The following SDHB variants were observed in gnomAD, a reference collection of about 807,000 sequenced individuals.
SDHB encodes succinate dehydrogenase [ubiquinone] iron-sulfur subunit, mitochondrial.
A neutral mutation model predicts 39.7 loss-of-function variants in SDHB; 21 were observed. The observed-to-expected ratio is 0.53, with a 90% CI of 0.37 to 0.76. The LOEUF (loss-of-function observed/expected upper bound fraction) is 0.76. SDHB is among the 30% of genes least tolerant of loss of function. SDHB has a pLI of 0.00. For missense variants in SDHB, 343 were observed against 350.9 expected, an observed-to-expected ratio of 0.98 and a Z score of 0.18; for synonymous variants, 118 against 117.0, an observed-to-expected ratio of 1.01 and a Z score of -0.06.
In SDHB at chr1:17,053,997, G is replaced by T. The variant is rs199848267; in HGVS notation, c.23C>A (p.Ser8Tyr). The T allele has an allele frequency of 6.2e-7, 1 of 1,612,756 alleles. No homozygotes were observed. The highest frequency in any genetic ancestry group is 1.7e-5 in the Admixed American group (1 of 59,954). ...TGTGGCCGGCAACCGGCGCCTCAAG[G>T]AGAGGGCGACCACCGCCGCCATCTT... MAAVVAL[S>Y]LRRRLPATTL... is the part of the protein sequence containing the mutation. Residue 8 changes from serine (S) to tyrosine (Y), a missense_variant, in exon 1 of 8, where the codon TCC (serine) becomes TAC (tyrosine). Coordinates refer to ENST00000375499, the MANE Select transcript of SDHB (RefSeq NM_003000.3).
chr1:17,028,260 G>A (rs2078002626), intron 4 of SDHB, among the ~76,000 whole-genome samples: 2 of 152,142 alleles, frequency 1.3e-5, no homozygotes, highest in Admixed American at 1.3e-4. Flanking sequence ...TCATTTCTGG[G>A]AATGTTCCAA....
chr1:17,051,765 C>CT (rs2101549188), intron 1 of SDHB, among the ~76,000 whole-genome samples: 1 of 152,148 alleles, frequency 6.6e-6, no homozygotes, highest in African/African-American at 2.4e-5. Context: ...GCAACCTTAT[C>CT]AGTCTTTGTA....
intron 1 of SDHB, among the ~76,000 whole-genome samples, chr1:17,052,885 G>A (rs976466734): frequency 6.6e-6 from 1 of 152,180 alleles, no homozygotes; most frequent in African/African-American, 2.4e-5. Context: ...CAAGATCTAT[G>A]CTAAGGAGTT....
At chr1:17,026,985 T>A (rs1011086126) in intron 5 of SDHB, among the ~76,000 whole-genome samples, 3 of 152,234 alleles carry the variant, frequency 2.0e-5, no homozygotes, top group African/African-American at 7.2e-5. Context: ...TATTTATGGA[T>A]AAAATAACAT....
At chr1:17,028,448 A>G (rs2078003451) in intron 4 of SDHB, 152 bp downstream of exon 4, 1 of 790,302 alleles carries the variant, frequency 1.3e-6, no homozygotes, top group Non-Finnish European at 2.1e-6. Flanking sequence ...TCCTGCCATA[A>G]TATAGGAAAC....
rs751000085 is a variant in SDHB, at chr1:17,028,680, G to C, written c.343C>G (p.Arg115Gly). 1 of 1,613,960 alleles carries C rather than the reference G, an allele frequency of 6.2e-7. No homozygotes were observed. Among genetic ancestry groups the C allele is most frequent in the Non-Finnish European group, 8.5e-7 (1 of 1,179,978 alleles). ...INGGNTLACT[R>G]RIDTNLNKVS... ...TTATTGAGGTTGGTGTCAATCCTTC[G>C]GGTGCAAGCTAGAGTGTTGCCTCCA... is the stretch of plus-strand genomic sequence containing the variant. The change falls in exon 4 of 8, where the codon CGA becomes GGA. Residue 115 changes from arginine to glycine, a missense_variant. Arg to Gly is a moderately radical substitution (Grantham distance 125). Coordinates refer to ENST00000375499, the MANE Select transcript of SDHB (RefSeq NM_003000.3).
chr1:17,021,410 C>T (rs1353695135), intron 7 of SDHB, among the ~76,000 whole-genome samples: 1 of 152,018 alleles, frequency 6.6e-6, no homozygotes, highest in Non-Finnish European at 1.5e-5. Context: ...CCACTGCACC[C>T]CAGCCTGGGC....
chr1:17,034,844 GT>G (rs1299343219), intron 2 of SDHB, among the ~76,000 whole-genome samples: 1 of 152,166 alleles, frequency 6.6e-6, no homozygotes, highest in Non-Finnish European at 1.5e-5. Context: ...TAGGTTGAAT[GT>G]TTGTCATAAA....
At chr1:17,048,114 T>G (rs1207244413) in intron 1 of SDHB, among the ~76,000 whole-genome samples, 1 of 152,206 alleles carries the variant, frequency 6.6e-6, no homozygotes, top group African/African-American at 2.4e-5. Flanking sequence ...ATTGCCCTTT[T>G]ATAGCCCTGT....
At chr1:17,026,689 G>A (rs2077993530) in intron 5 of SDHB, among the ~76,000 whole-genome samples, 1 of 152,064 alleles carries the variant, frequency 6.6e-6, no homozygotes, top group African/African-American at 2.4e-5. Flanking sequence ...ACGTTTTATG[G>A]GCAACAGGAG....
intron 1 of SDHB, among the ~76,000 whole-genome samples, chr1:17,046,632 C>T (rs747203069): frequency 6.6e-6 from 1 of 152,180 alleles, no homozygotes; most frequent in Non-Finnish European, 1.5e-5. Context: ...TGTCTAGCTT[C>T]TTTCACTCAA....
intron 1 of SDHB, among the ~76,000 whole-genome samples, chr1:17,050,056 C>T (rs2101547404): frequency 6.6e-6 from 1 of 152,240 alleles, no homozygotes; most frequent in African/African-American, 2.4e-5. Flanking sequence ...ACTGTGGTTA[C>T]CTGCAATGAG....
At chr1:17,023,499 T>G (rs1018124486) in intron 6 of SDHB, among the ~76,000 whole-genome samples, 1 of 152,202 alleles carries the variant, frequency 6.6e-6, no homozygotes, top group Non-Finnish European at 1.5e-5. Context: ...ACAAAGACAG[T>G]GACTTTCTTT....
intron 1 of SDHB, among the ~76,000 whole-genome samples, chr1:17,045,626 G>C (rs887418445): frequency 1.3e-5 from 2 of 151,996 alleles, no homozygotes; most frequent in African/African-American, 2.4e-5. Context: ...AAGAAAAAAA[G>C]AAAGAAAAGA....
At chr1:17,050,995 A>G (rs1391695476) in intron 1 of SDHB, among the ~76,000 whole-genome samples, 2 of 152,252 alleles carry the variant, frequency 1.3e-5, no homozygotes, top group Non-Finnish European at 2.9e-5. Flanking sequence ...GGATAGGATC[A>G]TATAGCAACA....
At chr1:17,037,588 C>G (rs1220284024) in intron 2 of SDHB, among the ~76,000 whole-genome samples, 3 of 152,146 alleles carry the variant, frequency 2.0e-5, no homozygotes, top group African/African-American at 7.2e-5. Flanking sequence ...TTCCAAGAAG[C>G]TGGGATTACA....
chr1:17,042,954 G>GTTT (rs143394198), intron 2 of SDHB, among the ~76,000 whole-genome samples: 1,001 of 62,890 alleles, frequency 0.016, 145 homozygotes, highest in East Asian at 0.031. Context: ...TGTTTTATGA[G>GTTT]TTTTTTTTTT....
At chr1:17,048,052 T>C (rs1384757058) in intron 1 of SDHB, among the ~76,000 whole-genome samples, 1 of 152,170 alleles carries the variant, frequency 6.6e-6, no homozygotes, top group Non-Finnish European at 1.5e-5. Flanking sequence ...ACCAGAATAC[T>C]GACAGTGCTA....
intron 1 of SDHB, among the ~76,000 whole-genome samples, chr1:17,049,665 T>TTTTG (rs1219430636): frequency 7.5e-6 from 1 of 133,144 alleles, no homozygotes; most frequent in East Asian, 2.2e-4. Flanking sequence ...TTTTTTTTTT[T>TTTTG]TTTTTTTTTT....
Sources: allele counts gnomAD v4.1 joint callset (sites outside exome capture counted in the v4.1 genomes callset), GRCh38; gene constraint gnomAD v4.1.1; transcripts MANE v1.5; gene names NCBI Gene and HGNC (gene_info 2026-07-23, HGNC 2026-07-21).